Variants in KHDRBS2 observed in about 807,000 individuals in gnomAD.
KHDRBS2 encodes the protein KH domain-containing, RNA-binding, signal transduction-associated protein 2.
In KHDRBS2, 26 loss-of-function variants were observed where a neutral mutation model predicts 44.3. The ratio of observed to expected loss-of-function variants is 0.59; its 90% CI spans 0.43 to 0.81. The LOEUF (loss-of-function observed/expected upper bound fraction) is 0.81, where lower values mean the gene tolerates loss of function less well. KHDRBS2 is among the 40% of genes least tolerant of loss of function. KHDRBS2 has a pLI of 0.00. For synonymous variants in KHDRBS2, 194 were observed against 151.1 expected, an observed-to-expected ratio of 1.28 and a Z score of -2.08; for missense variants, 476 against 433.1, an observed-to-expected ratio of 1.10 and a Z score of -0.88.
intron 1 of KHDRBS2, among the ~76,000 whole-genome samples, chr6:62,205,251 G>C (rs1394866622): frequency 6.6e-6 from 1 of 152,006 alleles, no homozygotes; most frequent in Non-Finnish European, 1.5e-5. Context: ...AATGACCCAG[G>C]AGCTTTATGT....
intron 7 of KHDRBS2, among the ~76,000 whole-genome samples, chr6:61,721,257 C>T (rs1261777651): frequency 1.1e-4 from 16 of 152,100 alleles, no homozygotes; most frequent in South Asian, 2.1e-4. Context: ...GACTGGGCGA[C>T]GCGGGCTCTT....
At chr6:62,117,978 G>A (rs1463731792) in intron 2 of KHDRBS2, among the ~76,000 whole-genome samples, 10 of 152,052 alleles carry the variant, frequency 6.6e-5, no homozygotes, top group East Asian at 1.9e-4. Flanking sequence ...GTTTCCCAAC[G>A]TTGGCCACGC....
At chr6:62,091,198 C>T (rs1799433782) in intron 2 of KHDRBS2, among the ~76,000 whole-genome samples, 1 of 152,170 alleles carries the variant, frequency 6.6e-6, no homozygotes. Context: ...ATTATCCCAT[C>T]AGGGTCAAAT....
intron 1 of KHDRBS2, among the ~76,000 whole-genome samples, chr6:62,245,342 T>C (rs762385735): frequency 1.3e-5 from 2 of 152,110 alleles, no homozygotes; most frequent in Non-Finnish European, 2.9e-5. Flanking sequence ...ACGTAGTCCA[T>C]GCAAAGAAAA....
At position 62,250,369 on chromosome 6, in the gene KHDRBS2, G is replaced by T. The variant is rs188399839; in HGVS notation, c.91+35489C>A. ...TAAAGTGTAATTAGACAAGTGTCTTGTAATTCTAATAAAACTGTTTCTATC... is the reference window on the plus strand; with the variant it reads ...TAAAGTGTAATTAGACAAGTGTCTTTTAATTCTAATAAAACTGTTTCTATC... On this transcript the variant is annotated intron_variant, in intron 1 of 8. Transcript: ENST00000281156. Among the ~76,000 whole-genome samples the T allele has an allele frequency of 1.5e-3, 229 of 152,178 alleles. 1 individual carries two copies. The highest frequency in any genetic ancestry group is 5.3e-3 in the African/African-American group (222 of 41,546).
chr6:61,775,959 C>A (rs1781910129), intron 6 of KHDRBS2, among the ~76,000 whole-genome samples: 1 of 152,172 alleles, frequency 6.6e-6, no homozygotes, highest in South Asian at 2.1e-4. Context: ...ATCAATGGAA[C>A]AGAACAGAAC....
chr6:61,872,291 T>C (rs1003263844), intron 6 of KHDRBS2, among the ~76,000 whole-genome samples: 2 of 152,138 alleles, frequency 1.3e-5, no homozygotes, highest in Non-Finnish European at 2.9e-5. Context: ...TGGTAAATTG[T>C]ATATTTTGTT....
rs540667006 is a variant in KHDRBS2 at position 61,700,826 on chromosome 6, C to T, written c.894-3573G>A. ...CCTTAAGAAGTCATCAGTTGCAACACGGGAGGTACCTCTGCCTCTAAAAGA... is the reference window on the plus strand; with the variant it reads ...CCTTAAGAAGTCATCAGTTGCAACATGGGAGGTACCTCTGCCTCTAAAAGA... On this transcript the variant is annotated intron_variant, in intron 7 of 8. Coordinates refer to ENST00000281156, the MANE Select transcript of KHDRBS2 (RefSeq NM_152688.4). Among the ~76,000 whole-genome samples the T allele has an allele frequency of 6.3e-4, 95 of 151,692 alleles. 1 individual carries two copies. The South Asian group carries it at 0.016, about 25-fold the overall frequency.
chr6:61,683,802 T>C (rs1318043762), intron 8 of KHDRBS2, among the ~76,000 whole-genome samples: 1 of 151,856 alleles, frequency 6.6e-6, no homozygotes, highest in African/African-American at 2.4e-5. Flanking sequence ...ATTAATACTA[T>C]GCTCTTTCTC....
downstream of KHDRBS2, among the ~76,000 whole-genome samples, chr6:61,677,769 C>A (rs958939370): frequency 4.0e-5 from 6 of 151,838 alleles, no homozygotes; most frequent in African/African-American, 1.4e-4. Context: ...CCCCTCAGGG[C>A]CCACTGGGCT....
chr6:62,077,250 G>C (rs208970), intron 2 of KHDRBS2, among the ~76,000 whole-genome samples: 9,097 of 151,902 alleles, frequency 0.06, 920 homozygotes, highest in African/African-American at 0.2. Flanking sequence ...TTTTAAGAAG[G>C]CTGACTCCAG....
intron 6 of KHDRBS2, among the ~76,000 whole-genome samples, chr6:61,836,974 T>C (rs1279661018): frequency 6.6e-6 from 1 of 151,948 alleles, no homozygotes; most frequent in Non-Finnish European, 1.5e-5. Context: ...AATTTATCTA[T>C]TGTGCAGTAC....
intron 3 of KHDRBS2, among the ~76,000 whole-genome samples, chr6:62,045,467 C>G (rs1787477092): frequency 6.6e-6 from 1 of 151,936 alleles, no homozygotes; most frequent in Admixed American, 6.6e-5. Flanking sequence ...AACCTCTTTT[C>G]CCTGCTTCTG....
intron 1 of KHDRBS2, among the ~76,000 whole-genome samples, chr6:62,277,292 T>C (rs1255901410): frequency 6.6e-6 from 1 of 152,132 alleles, no homozygotes; most frequent in Non-Finnish European, 1.5e-5. Context: ...CTTCATTTAT[T>C]AATAGCACAT....
intron 3 of KHDRBS2, among the ~76,000 whole-genome samples, chr6:61,996,182 A>T (rs1777137653): frequency 6.6e-6 from 1 of 152,262 alleles, no homozygotes; most frequent in Middle Eastern, 3.4e-3. Flanking sequence ...AATACTTTAT[A>T]AAAGGGTATC....
intron 6 of KHDRBS2, among the ~76,000 whole-genome samples, chr6:61,783,527 T>C (rs1783345477): frequency 6.6e-6 from 1 of 152,058 alleles, no homozygotes; most frequent in East Asian, 1.9e-4. Context: ...AGAAGTAAGA[T>C]AAAAAAGACA....
intron 6 of KHDRBS2, among the ~76,000 whole-genome samples, chr6:61,869,067 C>A (rs1798215594): frequency 6.6e-6 from 1 of 152,088 alleles, no homozygotes; most frequent in African/African-American, 2.4e-5. Context: ...TCACTGCTTC[C>A]CTTGGCTGGG....
chr6:61,585,963 A>T, the KHDRBS2 span, among the ~76,000 whole-genome samples: 1 of 152,112 alleles, frequency 6.6e-6, no homozygotes, highest in Non-Finnish European at 1.5e-5. Flanking sequence ...AAGCATGATA[A>T]TCTGAGAGCT....
the KHDRBS2 span, among the ~76,000 whole-genome samples, chr6:61,627,352 G>T: frequency 6.6e-6 from 1 of 151,896 alleles, no homozygotes; most frequent in African/African-American, 2.4e-5. Flanking sequence ...CCACGTGATA[G>T]GAGTGTTTGT....
Sources: allele counts gnomAD v4.1 joint callset (sites outside exome capture counted in the v4.1 genomes callset), GRCh38; gene constraint gnomAD v4.1.1; transcripts MANE v1.5; gene names NCBI Gene and HGNC (gene_info 2026-07-23, HGNC 2026-07-21).